Variants in SPATA16 observed in about 807,000 individuals in gnomAD.
SPATA16 encodes spermatogenesis-associated protein 16.
In SPATA16, 36 loss-of-function variants were observed where a neutral mutation model predicts 63.3. The ratio of observed to expected loss-of-function variants is 0.57; its 90% CI spans 0.44 to 0.75. The LOEUF (loss-of-function observed/expected upper bound fraction) is 0.75, where lower values mean the gene tolerates loss of function less well. Ranked by LOEUF, SPATA16 falls within the 30% of genes least tolerant of loss-of-function variation. The pLI, the probability that SPATA16 is intolerant of heterozygous loss-of-function variation, is 0.00. For synonymous variants in SPATA16, 203 were observed against 216.7 expected (o/e 0.94, Z 0.56); for missense variants, 646 against 679.3 (o/e 0.95, Z 0.54).
intron 2 of SPATA16, among the ~76,000 whole-genome samples, chr3:173,071,883 G>A (rs1314510117): frequency 6.6e-6 from 1 of 152,190 alleles, no homozygotes; most frequent in African/African-American, 2.4e-5. Context: ...TCACACTAGT[G>A]AGAATGGCAA....
At chr3:172,976,826 G>A (rs1734170396) in intron 5 of SPATA16, 142 bp downstream of exon 5, 1 of 716,334 alleles carries the variant, frequency 1.4e-6, no homozygotes, top group African/African-American at 1.8e-5. Flanking sequence ...ACTTCGTTAT[G>A]AATACATTAT....
At chr3:173,101,204 A>G (rs1201036018) in intron 2 of SPATA16, among the ~76,000 whole-genome samples, 1 of 152,106 alleles carries the variant, frequency 6.6e-6, no homozygotes, top group African/African-American at 2.4e-5. Flanking sequence ...TCATTGACCA[A>G]TTGGAATGGT....
intron 1 of SPATA16, among the ~76,000 whole-genome samples, chr3:173,123,428 T>TCGGATACA: frequency 6.6e-6 from 1 of 152,064 alleles, no homozygotes; most frequent in Non-Finnish European, 1.5e-5. Flanking sequence ...CCCAAGTTGA[T>TCGGATACA]TGGGATTTGT....
intron 2 of SPATA16, among the ~76,000 whole-genome samples, chr3:173,112,605 A>G (rs933632474): frequency 6.6e-6 from 1 of 152,232 alleles, no homozygotes; most frequent in Non-Finnish European, 1.5e-5. Flanking sequence ...TGAGAATGAA[A>G]TGGAATAATG....
intron 3 of SPATA16, among the ~76,000 whole-genome samples, chr3:173,037,819 G>A (rs1560103801): frequency 6.6e-6 from 1 of 152,092 alleles, no homozygotes; most frequent in Non-Finnish European, 1.5e-5. Context: ...AAGAATTCTT[G>A]TCATAGCAAC....
intron 4 of SPATA16, among the ~76,000 whole-genome samples, chr3:173,015,529 C>T (rs916185463): frequency 2.0e-5 from 3 of 152,136 alleles, no homozygotes; most frequent in Admixed American, 2.0e-4. Context: ...ATCATGCTAT[C>T]CCATAATCTT....
At chr3:172,978,153 C>CTATA (rs1372786357) in intron 4 of SPATA16, among the ~76,000 whole-genome samples, 40 of 148,896 alleles carry the variant, frequency 2.7e-4, no homozygotes, top group African/African-American at 9.3e-4. Context: ...CTCTCTCTCT[C>CTATA]TCTCTCTCTA....
chr3:173,094,500 C>T (rs1218610846), intron 2 of SPATA16, among the ~76,000 whole-genome samples: 2 of 152,104 alleles, frequency 1.3e-5, no homozygotes, highest in East Asian at 1.9e-4. Flanking sequence ...GAGAGATTTC[C>T]CTAGGAAATA....
intron 2 of SPATA16, among the ~76,000 whole-genome samples, chr3:173,056,721 A>G (rs891243404): frequency 2.0e-5 from 3 of 151,040 alleles, no homozygotes; most frequent in Non-Finnish European, 3.0e-5. Context: ...AAAAAAAAAA[A>G]AAAAAAAAGA....
At chr3:172,979,105 C>T (rs748588683) in intron 4 of SPATA16, among the ~76,000 whole-genome samples, 3 of 152,066 alleles carry the variant, frequency 2.0e-5, no homozygotes, top group Non-Finnish European at 4.4e-5. Flanking sequence ...CGTGTGGCGG[C>T]GGGCGCCTGT....
At position 172,890,403 on chromosome 3, in the gene SPATA16, T is replaced by A. The variant is rs376212269; in HGVS notation, c.1588-711A>T. On this transcript the variant is annotated intron_variant, in intron 10 of 10. Coordinates refer to ENST00000351008, the MANE Select transcript of SPATA16 (RefSeq NM_031955.6). Reference sequence around the variant, plus strand: ...AGTTTACACATATGCTGAATTGATTTCTCATGAAAGTCAGTAGATATACGA... The same window carrying A: ...AGTTTACACATATGCTGAATTGATTACTCATGAAAGTCAGTAGATATACGA... Among the ~76,000 whole-genome samples, 63 of 152,310 alleles carry A rather than the reference T, an allele frequency of 4.1e-4. 1 individual carries two copies. In the South Asian group the frequency reaches 6.6e-3, roughly 16 times the overall value.
intron 5 of SPATA16, among the ~76,000 whole-genome samples, chr3:172,957,836 G>C (rs959863242): frequency 6.6e-6 from 1 of 152,110 alleles, no homozygotes; most frequent in Admixed American, 6.6e-5. Flanking sequence ...AAAACAACAG[G>C]GAGTGGATTT....
At chr3:172,928,551 A>G (rs879850036) in intron 6 of SPATA16, among the ~76,000 whole-genome samples, 7 of 152,214 alleles carry the variant, frequency 4.6e-5, no homozygotes, top group Non-Finnish European at 8.8e-5. Context: ...CCCCTTATGT[A>G]GATAGATAGC....
chr3:172,924,690 C>G (rs1454857727), intron 7 of SPATA16, among the ~76,000 whole-genome samples: 1 of 152,132 alleles, frequency 6.6e-6, no homozygotes, highest in East Asian at 1.9e-4. Flanking sequence ...GTGTGCAGAT[C>G]CATTGACTTT....
At chr3:173,037,151 A>G (rs1306888608) in intron 3 of SPATA16, among the ~76,000 whole-genome samples, 1 of 152,102 alleles carries the variant, frequency 6.6e-6, no homozygotes, top group Admixed American at 6.6e-5. Context: ...ACAAGAATGA[A>G]GATGAAGAAG....
intron 10 of SPATA16, among the ~76,000 whole-genome samples, chr3:172,895,657 T>G (rs919924953): frequency 1.3e-5 from 2 of 152,112 alleles, no homozygotes; most frequent in African/African-American, 4.8e-5. Context: ...TTATATAATT[T>G]TGTTATTGCA....
intron 3 of SPATA16, among the ~76,000 whole-genome samples, chr3:173,041,092 T>G: frequency 6.6e-6 from 1 of 152,142 alleles, no homozygotes; most frequent in East Asian, 1.9e-4. Context: ...TGGATTTATT[T>G]TGGGGGGAAT....
At chr3:173,081,726 A>C (rs919950473) in intron 2 of SPATA16, among the ~76,000 whole-genome samples, 3 of 152,180 alleles carry the variant, frequency 2.0e-5, no homozygotes, top group Non-Finnish European at 2.9e-5. Flanking sequence ...TTACCAGAAA[A>C]GGAAAAAAGA....
intron 6 of SPATA16, 81 bp from the exon 7 acceptor site, chr3:172,925,573 A>C: frequency 6.4e-7 from 1 of 1,562,130 alleles, no homozygotes; most frequent in Non-Finnish European, 8.8e-7. Context: ...GATTTCAGGA[A>C]TTGTACTTGG....
Sources: gnomAD v4.1 joint callset for allele counts (sites outside exome capture counted in the v4.1 genomes callset) on GRCh38, gnomAD v4.1.1 for gene constraint, MANE v1.5 for transcripts, NCBI Gene and HGNC (gene_info 2026-07-23, HGNC 2026-07-21) for gene names.